Variants in NEB observed in about 807,000 individuals in gnomAD.
NEB encodes nemaline myopathy type 2.
Under a neutral mutation model 952.2 loss-of-function variants are expected in NEB, and 512 were observed. The ratio of observed to expected loss-of-function variants is 0.54; its 90% CI spans 0.50 to 0.58. The LOEUF is 0.58. Among genes scored for constraint, NEB ranks in the 20% least tolerant of loss-of-function variants. NEB has a pLI of 0.00. For synonymous variants in NEB, 2,900 were observed against 3,149.8 expected, an observed-to-expected ratio of 0.92 and a Z score of 2.66; for missense variants, 8,428 against 9,231.1, an observed-to-expected ratio of 0.91 and a Z score of 3.56.
At chr2:151,634,503 G>T (rs904483641) in intron 64 of NEB, among the ~76,000 whole-genome samples, 4 of 151,996 alleles carry the variant, frequency 2.6e-5, no homozygotes, top group Non-Finnish European at 5.9e-5. Context: ...TAAGCCGGGC[G>T]TGGTGGCGGG....
intron 37 of NEB, 164 bp from the exon 38 acceptor site, chr2:151,671,393 C>T: frequency 1.6e-6 from 1 of 628,258 alleles, no homozygotes; most frequent in South Asian, 2.1e-5. Context: ...TAAGAAGAAG[C>T]TGTTCTGTTG....
intron 107 of NEB, among the ~76,000 whole-genome samples, chr2:151,572,554 T>TA (rs1324770253): frequency 7.0e-4 from 97 of 139,258 alleles, no homozygotes; most frequent in African/African-American, 2.5e-3. Context: ...ATATATATAC[T>TA]TTTTTTTTTT....
chr2:151,568,697 A>G lies in NEB; in HGVS notation c.17555T>C (p.Ile5852Thr). The G allele has an allele frequency of 6.2e-7, 1 of 1,601,280 alleles. No homozygotes were observed. Among genetic ancestry groups the G allele is most frequent in the Middle Eastern group, 1.7e-4 (1 of 6,038 alleles). Reference protein sequence around the residue: ...IFSEKKYRTKIETLNFTPVDD... With the variant: ...IFSEKKYRTKTETLNFTPVDD... ...CACAGGCGTAAAGTTGAGAGTTTCT[A>G]TTTTTGTGCGATATTTTTTCTATGG... The change falls in exon 111 of 182, where the codon ATA (isoleucine) becomes ACA (threonine). Residue 5852 changes from isoleucine to threonine, a missense_variant. Transcript: ENST00000397345.
At chr2:151,521,423 G>A (rs534393321) in intron 153 of NEB, among the ~76,000 whole-genome samples, 1 of 152,330 alleles carries the variant, frequency 6.6e-6, no homozygotes, top group South Asian at 2.1e-4. Flanking sequence ...AGAAGTGGAA[G>A]GCCTGCTAAG....
intron 179 of NEB, 130 bp from the exon 180 acceptor site, chr2:151,490,648 A>G (rs970576041): frequency 7.2e-6 from 8 of 1,109,960 alleles, no homozygotes; most frequent in South Asian, 1.5e-5. Flanking sequence ...CCATGGGTCA[A>G]ACCCTCACAG....
intron 76 of NEB, 152 bp downstream of exon 76, chr2:151,615,850 T>C: frequency 3.2e-6 from 2 of 633,716 alleles, no homozygotes; most frequent in South Asian, 2.2e-5. Flanking sequence ...TGTGCTTTTC[T>C]TTTTTTCCAT....
chr2:151,485,815 AC>A lies in NEB; in HGVS notation c.25522del (p.Val8508CysfsTer40), dbSNP rs2049800731. On this transcript the variant is annotated frameshift_variant, in exon 182 of 182. Transcript: ENST00000397345. LOFTEE classifies it high-confidence loss of function. ...AIDEGWMYGT[V>X]QRTGRTGMLP... ...CATTCCGGTCCTGCCAGTCCTCTGC[AC>A]AGTGCCATACATCCAGCCTTCATCA... The A allele has an allele frequency of 7.4e-6, 12 of 1,614,010 alleles. No homozygotes were observed. The highest frequency in any genetic ancestry group is 1.3e-5 in the African/African-American group (1 of 74,946).
At chr2:151,505,986 G>C in intron 164 of NEB, 180 bp downstream of exon 164, 1 of 624,332 alleles carries the variant, frequency 1.6e-6, no homozygotes, top group Non-Finnish European at 2.9e-6. Flanking sequence ...CATGAAAACC[G>C]CCAAGGCACT....
At position 151,535,723 on chromosome 2, in the gene NEB, G is replaced by C; in HGVS notation, c.21280C>G (p.His7094Asp). 1 of 1,608,946 alleles carries C rather than the reference G, an allele frequency of 6.2e-7. No homozygotes were observed. The highest frequency in any genetic ancestry group is 8.5e-7 in the Non-Finnish European group (1 of 1,177,106). Residue 7094 changes from histidine to aspartate, a missense_variant, in exon 142 of 182, where the codon CAT (histidine) becomes GAT (aspartate). This residue lies in a region of NEB where 3,374 missense variants were observed against 3,651.5 expected (regional missense o/e 0.92). Coordinates refer to ENST00000397345, the MANE Select transcript of NEB (RefSeq NM_001164508.2). ...ATCAATTGAGTTGCATACTTGAAAT[G>C]CCTATTGATCGGAGAGTCGGCAACA... ...KYVADSPINR[H>D]FKYATQLMNE...
At position 151,671,243 on chromosome 2, in the gene NEB, A is replaced by G. The variant is rs1432028355; in HGVS notation, c.4300-14T>C. On this transcript the variant is annotated splice_polypyrimidine_tract_variant and intron_variant, in intron 37 of 181. Transcript: ENST00000397345. ...TTTATACACATTCTGTAAAAGGGTAAGCTAATATGAGAAGATACCCTGGAG... is the reference window on the plus strand; with the variant it reads ...TTTATACACATTCTGTAAAAGGGTAGGCTAATATGAGAAGATACCCTGGAG... 6.3e-7 allele frequency: 1 copy of G among 1,591,138 alleles called. No individual in the cohort carries two copies. Among genetic ancestry groups the G allele is most frequent in the Non-Finnish European group, 8.6e-7 (1 of 1,160,638 alleles).
At chr2:151,557,176 T>C (rs2095704038) in intron 124 of NEB, among the ~76,000 whole-genome samples, 1 of 151,952 alleles carries the variant, frequency 6.6e-6, no homozygotes, top group African/African-American at 2.4e-5. Context: ...TAAAAAATGA[T>C]AAAGGGGATA....
At chr2:151,670,881 C>G (rs1380013033) in intron 38 of NEB, 142 bp downstream of exon 38, 1 of 829,656 alleles carries the variant, frequency 1.2e-6, no homozygotes, top group African/African-American at 1.7e-5. Flanking sequence ...CCTCAAAAGG[C>G]AGCCCTTTCT....
Position 151,733,196 on chromosome 2 carries a change from T to G in NEB, c.-29-11A>C. The G allele has an allele frequency of 1.9e-6, 3 of 1,554,466 alleles. No homozygotes were observed. Among genetic ancestry groups the G allele is most frequent in the Non-Finnish European group, 2.6e-6 (3 of 1,138,130 alleles). ...AGTGGCACCTACAAACTTTTCATAT[T>G]CCATACAAATGAAAACATATTAGAG... On this transcript the variant is annotated splice_polypyrimidine_tract_variant and intron_variant, in intron 2 of 181. Transcript: ENST00000397345.
At chr2:151,674,861 T>C (rs999129898) in intron 35 of NEB, among the ~76,000 whole-genome samples, 8 of 152,302 alleles carry the variant, frequency 5.3e-5, no homozygotes, top group African/African-American at 1.9e-4. Flanking sequence ...AACCATGGTA[T>C]GTGAGGACCA....
intron 146 of NEB, among the ~76,000 whole-genome samples, chr2:151,527,796 G>A (rs1452202881): frequency 3.3e-5 from 5 of 152,146 alleles, no homozygotes; most frequent in Admixed American, 2.0e-4. Flanking sequence ...CCGAAATAGA[G>A]GCTAAAATTT....
chr2:151,709,453 T>G (rs1296833411), intron 12 of NEB, among the ~76,000 whole-genome samples: 2 of 152,334 alleles, frequency 1.3e-5, no homozygotes, highest in Non-Finnish European at 2.9e-5. Context: ...GTAGCCCCAT[T>G]ATAATTCCAA....
chr2:151,625,688 C>CAGG, intron 70 of NEB, 50 bp from the exon 71 acceptor site: 1 of 1,309,374 alleles, frequency 7.6e-7, no homozygotes. Flanking sequence ...TTGTTGTAAA[C>CAGG]AGGAGTTTTC....
At chr2:151,627,355 ATTAC>A in intron 69 of NEB, 150 bp from the exon 70 acceptor site, 1 of 1,371,266 alleles carries the variant, frequency 7.3e-7, no homozygotes, top group Non-Finnish European at 9.8e-7. Flanking sequence ...AGTCTCAGGT[ATTAC>A]TTTCTTTCTC....
rs908181333 is a variant in NEB at position 151,485,669 on chromosome 2, T to G, written c.*91A>C. On this transcript the variant is annotated 3_prime_UTR_variant, in exon 182 of 182. Transcript: ENST00000397345. ...TTGACACAGAAAAACCATAGGCAGC[T>G]TGAGAACTTAGGTAACAGTGGAGAG... The G allele has an allele frequency of 3.9e-6, 5 of 1,269,316 alleles. No homozygotes were observed. Among genetic ancestry groups the G allele is most frequent in the East Asian group, 2.4e-5 (1 of 42,380 alleles). The allele number at this position is 1,269,316 out of a possible 1,614,324, so 78.6% of individuals were successfully genotyped here.
Sources: allele counts gnomAD v4.1 joint callset (sites outside exome capture counted in the v4.1 genomes callset), GRCh38; gene constraint gnomAD v4.1.1; regional missense constraint gnomAD v4.1.1; transcripts MANE v1.5; gene names NCBI Gene and HGNC (gene_info 2026-07-23, HGNC 2026-07-21).